The following IGFBP7 variants were observed in gnomAD, a reference collection of about 807,000 sequenced individuals.
IGFBP7 encodes insulin-like growth factor-binding protein 7.
In IGFBP7, 31 loss-of-function variants were observed where a neutral mutation model predicts 29.4. The ratio of observed to expected loss-of-function variants is 1.05; its 90% confidence interval spans 0.79 to 1.42. The LOEUF is 1.42. Among genes scored for constraint, IGFBP7 ranks in the 40% most tolerant of loss-of-function variants. IGFBP7 has a pLI of 0.00. For missense variants in IGFBP7, 393 were observed against 395.5 expected (o/e 0.99, Z 0.05); for synonymous variants, 172 against 174.9 (o/e 0.98, Z 0.13).
At chr4:57,051,907 A>T (rs1299930034) in intron 1 of IGFBP7, among the ~76,000 whole-genome samples, 2 of 152,186 alleles carry the variant, frequency 1.3e-5, no homozygotes, top group African/African-American at 2.4e-5. Context: ...AAGGAAGGTG[A>T]AAGACAGGGA....
chr4:57,109,859 G>T lies in IGFBP7; in HGVS notation c.475+18C>A, dbSNP rs114701478. On this transcript the variant is annotated intron_variant, in intron 1 of 4. Coordinates refer to ENST00000295666, the MANE Select transcript of IGFBP7 (RefSeq NM_001553.3). ...GGCCGAGCGGCGCAGGGTTGGAGAG[G>T]GAAGCGCTCGTGCCCACCTTGCTCG... 1.8e-3 allele frequency: 2,783 copies of T among 1,534,984 alleles called. 29 individuals carry two copies. In the African/African-American group the frequency reaches 0.031, roughly 17 times the overall value.
At chr4:57,100,558 G>C (rs1211042283) in intron 1 of IGFBP7, among the ~76,000 whole-genome samples, 1 of 152,134 alleles carries the variant, frequency 6.6e-6, no homozygotes, top group Non-Finnish European at 1.5e-5. Flanking sequence ...TTATCATACA[G>C]CATGTTTATT....
At chr4:57,035,547 G>A (rs548736428) in intron 2 of IGFBP7, among the ~76,000 whole-genome samples, 6 of 152,132 alleles carry the variant, frequency 3.9e-5, no homozygotes, top group Admixed American at 1.3e-4. Flanking sequence ...CTCTGCCTCC[G>A]CCTCCGGGAT....
Position 57,109,938 on chromosome 4 carries a change from C to T in IGFBP7, c.414G>A (p.Gln138=). The T allele has an allele frequency of 6.4e-7, 1 of 1,557,372 alleles. No homozygotes were observed. Among genetic ancestry groups the T allele is most frequent in the Non-Finnish European group, 8.6e-7 (1 of 1,158,030 alleles). Residue 138 remains glutamine, a synonymous_variant, in exon 1 of 5, where the codon CAG becomes CAA. Transcript: ENST00000295666. The stretch of plus-strand genomic sequence containing the variant: ...CCTTCTCCCCGCGGCTCTCGGCCCT[C>T]TGGCTGGCGGCGCGCAGCTGGCAGC... ...PSGCQLRAAS[Q]RAESRGEKAI... is the part of the protein sequence containing the mutation.
intron 1 of IGFBP7, among the ~76,000 whole-genome samples, chr4:57,067,342 G>A (rs990003930): frequency 1.3e-5 from 2 of 151,920 alleles, no homozygotes; most frequent in Non-Finnish European, 2.9e-5. Flanking sequence ...TTTTTTGTTA[G>A]TCTTGTATTT....
chr4:57,036,595 C>T (rs1277311), intron 2 of IGFBP7, among the ~76,000 whole-genome samples: 75,025 of 151,950 alleles, frequency 0.49, 18,977 homozygotes, highest in Admixed American at 0.58. Context: ...AAATATTGCC[C>T]TTCGAATCTT....
chr4:57,090,823 C>G (rs1725620597), intron 1 of IGFBP7, among the ~76,000 whole-genome samples: 1 of 152,006 alleles, frequency 6.6e-6, no homozygotes, highest in Admixed American at 6.6e-5. Flanking sequence ...CACACTCCAG[C>G]CTAGGTGACA....
chr4:57,038,784 C>G (rs1367657019), intron 2 of IGFBP7, among the ~76,000 whole-genome samples: 1 of 151,828 alleles, frequency 6.6e-6, no homozygotes, highest in African/African-American at 2.4e-5. Flanking sequence ...AGGACAAAAA[C>G]GACCAGGCGC....
At chr4:57,063,353 G>A (rs750707021) in intron 1 of IGFBP7, among the ~76,000 whole-genome samples, 3 of 152,050 alleles carry the variant, frequency 2.0e-5, no homozygotes, top group African/African-American at 4.8e-5. Context: ...CCATTAGATC[G>A]TGGGCTCTGT....
intron 1 of IGFBP7, among the ~76,000 whole-genome samples, chr4:57,061,444 C>T (rs757570248): frequency 2.6e-5 from 4 of 152,026 alleles, no homozygotes; most frequent in East Asian, 1.9e-4. Context: ...ATTATTCTTG[C>T]GCTTTGGGGC....
chr4:57,032,920 C>A (rs898712648), intron 3 of IGFBP7, among the ~76,000 whole-genome samples: 3 of 152,344 alleles, frequency 2.0e-5, no homozygotes, highest in Admixed American at 2.0e-4. Flanking sequence ...TAAAACAATG[C>A]TTGGGCCACG....
intron 1 of IGFBP7, among the ~76,000 whole-genome samples, chr4:57,085,941 C>T (rs1482960544): frequency 1.3e-5 from 2 of 151,960 alleles, no homozygotes; most frequent in African/African-American, 4.8e-5. Flanking sequence ...GATTCTATTC[C>T]TAGTAGTTTT....
chr4:57,049,505 C>T (rs1724448358), intron 1 of IGFBP7, among the ~76,000 whole-genome samples: 1 of 152,182 alleles, frequency 6.6e-6, no homozygotes, highest in African/African-American at 2.4e-5. Context: ...TGCTGATGCC[C>T]TTACCTACTT....
intron 1 of IGFBP7, among the ~76,000 whole-genome samples, chr4:57,092,142 C>A (rs1262573562): frequency 6.6e-6 from 1 of 152,168 alleles, no homozygotes; most frequent in Non-Finnish European, 1.5e-5. Flanking sequence ...TTCCCGTTTA[C>A]ATCTCAGATG....
chr4:57,109,630 C>A (rs556103361), intron 1 of IGFBP7: 7 of 556,112 alleles, frequency 1.3e-5, no homozygotes, highest in Non-Finnish European at 2.2e-5. Flanking sequence ...ATACACCCGG[C>A]CCTCACTTTC....
In IGFBP7 at chr4:57,031,198, C is replaced by A; in HGVS notation, c.*119G>T. 2.3e-6 allele frequency: 2 copies of A among 877,944 alleles called. No individual in the cohort carries two copies. The highest frequency in any genetic ancestry group is 2.0e-5 in the Admixed American group (1 of 49,162). 54.4% of individuals were successfully genotyped at this position (877,944 alleles called of 1,614,324 possible). On this transcript the variant is annotated 3_prime_UTR_variant, in exon 5 of 5. Transcript: ENST00000295666. ...TTATTTTGTATTTCTCTGTGTAAAA[C>A]CAGTGAATATAACTAAAGTGTTAGT...
intron 2 of IGFBP7, among the ~76,000 whole-genome samples, chr4:57,036,256 G>C (rs777539370): frequency 1.6e-4 from 24 of 152,118 alleles, no homozygotes; most frequent in Non-Finnish European, 7.4e-5. Context: ...AAAGAGTGTG[G>C]AAAGATACAA....
chr4:57,047,986 G>A (rs971538406), intron 1 of IGFBP7, among the ~76,000 whole-genome samples: 5 of 152,022 alleles, frequency 3.3e-5, no homozygotes, highest in East Asian at 1.9e-4. Context: ...TGCCTGCCTC[G>A]GCCTCTCAAA....
intron 2 of IGFBP7, among the ~76,000 whole-genome samples, chr4:57,034,892 A>G (rs1296998464): frequency 6.6e-6 from 1 of 152,212 alleles, no homozygotes; most frequent in Non-Finnish European, 1.5e-5. Flanking sequence ...TGCTGTGAAG[A>G]CAAACATACT....
Sources: gnomAD v4.1 joint callset for allele counts (sites outside exome capture counted in the v4.1 genomes callset) on GRCh38, gnomAD v4.1.1 for gene constraint, MANE v1.5 for transcripts, NCBI Gene and HGNC (gene_info 2026-07-23, HGNC 2026-07-21) for gene names.